The following NCF2 variants were observed in gnomAD, a reference collection of about 807,000 sequenced individuals.
NCF2 encodes the protein neutrophil cytosolic factor 2, also known as neutrophil cytosol factor 2.
In NCF2, 45 loss-of-function variants were observed where a neutral mutation model predicts 70.9. The ratio of observed to expected loss-of-function variants is 0.63; its 90% CI spans 0.50 to 0.81. NCF2 has a LOEUF of 0.81. Ranked by LOEUF, NCF2 falls within the 40% of genes least tolerant of loss-of-function variation. NCF2 has a pLI of 0.00. For missense variants in NCF2, 522 were observed against 631.6 expected (o/e 0.83, Z 1.86); for synonymous variants, 203 against 233.6 (o/e 0.87, Z 1.19).
chr1:183,577,505 C>A, intron 3 of NCF2, 94 bp downstream of exon 3: 5 of 1,039,972 alleles, frequency 4.8e-6, no homozygotes. Context: ...TTCCAAGCTC[C>A]TGGAGGTGTC....
intron 14 of NCF2, among the ~76,000 whole-genome samples, chr1:183,557,634 A>G (rs921448637): frequency 6.6e-6 from 1 of 152,214 alleles, no homozygotes; most frequent in Non-Finnish European, 1.5e-5. Flanking sequence ...TATTTCCTCA[A>G]CTTAGACTTG....
intron 7 of NCF2, among the ~76,000 whole-genome samples, chr1:183,567,995 T>C (rs183377431): frequency 6.6e-6 from 1 of 152,188 alleles, no homozygotes; most frequent in East Asian, 1.9e-4. Flanking sequence ...GTGTTCAGGT[T>C]TCAGGCTTCC....
chr1:183,555,892 C>A lies in NCF2; in HGVS notation c.*226G>T. The A allele has an allele frequency of 1.7e-6, 1 of 596,904 alleles. No homozygotes were observed. The highest frequency in any genetic ancestry group is 3.0e-6 in the Non-Finnish European group (1 of 333,982). 37.0% of individuals were successfully genotyped at this position (596,904 alleles called of 1,614,324 possible). A position where few individuals can be genotyped will look rare whatever the true frequency, so the allele number is the denominator to read the frequency against. The stretch of plus-strand genomic sequence containing the variant: ...AGACACTTCCATCCACTTTTCCTCT[C>A]CCCTAACTCCTCCATTCACCTGTCC... On this transcript the variant is annotated 3_prime_UTR_variant, in exon 15 of 15. Transcript: ENST00000367535.
chr1:183,600,202 A>C, the NCF2 span, among the ~76,000 whole-genome samples: 4 of 152,246 alleles, frequency 2.6e-5, no homozygotes, highest in Non-Finnish European at 5.9e-5. Flanking sequence ...CTGCCCAAAC[A>C]TCGGAAGATG....
chr1:183,599,529 C>T, the NCF2 span, among the ~76,000 whole-genome samples: 2 of 137,808 alleles, frequency 1.5e-5, no homozygotes, highest in Admixed American at 1.5e-4. Flanking sequence ...CTTTCTCTCT[C>T]TTTCTTTCTT....
rs770486258 is a variant in NCF2, at chr1:183,577,701, A to G, written c.264T>C (p.Asp88=). 1 of 1,607,360 alleles carries G rather than the reference A, an allele frequency of 6.2e-7. No individual in the cohort carries two copies. The highest frequency in any genetic ancestry group is 8.5e-7 in the Non-Finnish European group (1 of 1,173,798). ...GMLYYQTEKY[D]LAIKDLKEAL... is the part of the protein sequence containing the mutation. Reference sequence around the variant, plus strand: ...CTTCTTTAAGGTCTTTGATAGCCAAATCATATCTGCAGGACAGAGGGAGAA... The same window carrying G: ...CTTCTTTAAGGTCTTTGATAGCCAAGTCATATCTGCAGGACAGAGGGAGAA... Residue 88 remains aspartate, a synonymous_variant, in exon 3 of 15, where the codon GAT becomes GAC. Coordinates refer to ENST00000367535, the MANE Select transcript of NCF2 (RefSeq NM_000433.4).
chr1:183,601,479 A>G, the NCF2 span, among the ~76,000 whole-genome samples: 4 of 152,314 alleles, frequency 2.6e-5, no homozygotes, highest in African/African-American at 9.6e-5. Context: ...TATTTATTCT[A>G]ATGTGCATTT....
Position 183,577,634 on chromosome 1 carries a change from T to A in NCF2, c.331A>T (p.Ile111Phe). 6.2e-7 allele frequency: 1 copy of A among 1,614,072 alleles called. No homozygotes were observed. The highest frequency in any genetic ancestry group is 8.5e-7 in the Non-Finnish European group (1 of 1,179,944). ...LRGNQLIDYK[I>F]LGLQFKLFAC... ...AACAGCTTGAACTGGAGCCCCAGGA[T>A]CTTATAGTCTATCAGCTGGTTCCCT... The change falls in exon 3 of 15, where the codon ATC becomes TTC. Residue 111 changes from isoleucine to phenylalanine, a missense_variant. Transcript: ENST00000367535.
At chr1:183,590,587 C>T (rs574011269), upstream of NCF2, 20 of 538,662 alleles carry the variant, frequency 3.7e-5, no homozygotes, top group South Asian at 1.2e-4. Flanking sequence ...AGAGAGAGGG[C>T]GAGTAGGGGT....
chr1:183,587,136 C>G (rs771119414), intron 1 of NCF2, among the ~76,000 whole-genome samples, 159 bp from the exon 2 acceptor site: 4 of 152,218 alleles, frequency 2.6e-5, no homozygotes, highest in Admixed American at 1.3e-4. Flanking sequence ...CGGTGCACCC[C>G]ACTTCGCTCT....
At chr1:183,599,517 T>C in the NCF2 span, among the ~76,000 whole-genome samples, 1 of 150,176 alleles carries the variant, frequency 6.7e-6, no homozygotes, top group Non-Finnish European at 1.5e-5. Flanking sequence ...CCTTCCTTCC[T>C]TCTTTCTCTC....
chr1:183,566,536 A>T (rs935371002), intron 9 of NCF2, among the ~76,000 whole-genome samples: 3 of 152,204 alleles, frequency 2.0e-5, no homozygotes, highest in Non-Finnish European at 2.9e-5. Context: ...GAGCAACTGC[A>T]GCTGGCCTCA....
the NCF2 span, among the ~76,000 whole-genome samples, chr1:183,598,798 G>T: frequency 6.6e-6 from 1 of 152,162 alleles, no homozygotes; most frequent in South Asian, 2.1e-4. Flanking sequence ...CTGCTTTAAA[G>T]AAATTCATTT....
At chr1:183,562,194 G>C (rs1245179123) in intron 13 of NCF2, among the ~76,000 whole-genome samples, 1 of 152,076 alleles carries the variant, frequency 6.6e-6, no homozygotes, top group Non-Finnish European at 1.5e-5. Context: ...GCTATGTGCA[G>C]CCACCAAATA....
intron 9 of NCF2, among the ~76,000 whole-genome samples, chr1:183,566,155 G>A (rs1044127457): frequency 2.0e-5 from 3 of 152,238 alleles, no homozygotes; most frequent in African/African-American, 7.2e-5. Flanking sequence ...GGCATTTGAA[G>A]CTTTTCAAAG....
chr1:183,565,327 G>A (rs1221572498), intron 10 of NCF2, among the ~76,000 whole-genome samples: 3 of 152,152 alleles, frequency 2.0e-5, no homozygotes, highest in Non-Finnish European at 4.4e-5. Flanking sequence ...CAGATACAGT[G>A]CCTCAGACAT....
intron 2 of NCF2, among the ~76,000 whole-genome samples, chr1:183,581,007 T>C (rs1277853612): frequency 6.7e-6 from 1 of 149,210 alleles, no homozygotes; most frequent in East Asian, 2.0e-4. Flanking sequence ...TCTACAGATT[T>C]GGGCCTGGTA....
At chr1:183,567,161 A>G (rs1241717762) in intron 8 of NCF2, 43 bp downstream of exon 8, 1 of 1,613,882 alleles carries the variant, frequency 6.2e-7, no homozygotes. Flanking sequence ...ATTTGCTGCC[A>G]GGATCCCATG....
At chr1:183,574,464 A>G in intron 4 of NCF2, 23 bp downstream of exon 4, 1 of 1,614,030 alleles carries the variant, frequency 6.2e-7, no homozygotes, top group Non-Finnish European at 8.5e-7. Flanking sequence ...TCCTCTCAAC[A>G]CCTGCATCAC....
Sources: allele counts gnomAD v4.1 joint callset (sites outside exome capture counted in the v4.1 genomes callset), GRCh38; gene constraint gnomAD v4.1.1; transcripts MANE v1.5; gene names NCBI Gene and HGNC (gene_info 2026-07-23, HGNC 2026-07-21).